The following SPON1 variants were observed in gnomAD, a reference collection of about 807,000 sequenced individuals.
SPON1 encodes spondin 1.
A neutral mutation model predicts 111.7 loss-of-function variants in SPON1; 52 were observed. That is an observed-to-expected ratio of 0.47 (90% CI 0.37 to 0.59). The LOEUF is 0.59. SPON1 is among the 20% of genes least tolerant of loss of function. The pLI is 0.00. For missense variants in SPON1, 957 were observed against 1,068.5 expected, an observed-to-expected ratio of 0.90 and a Z score of 1.46; for synonymous variants, 410 against 395.8, an observed-to-expected ratio of 1.04 and a Z score of -0.43.
At chr11:14,209,147 GT>G (rs1297580891) in intron 6 of SPON1, among the ~76,000 whole-genome samples, 1 of 152,128 alleles carries the variant, frequency 6.6e-6, no homozygotes, top group Non-Finnish European at 1.5e-5. Flanking sequence ...TAGTTGCATA[GT>G]TGCACCATTG....
chr11:13,974,331 C>T (rs781878993), intron 1 of SPON1, among the ~76,000 whole-genome samples: 1 of 152,072 alleles, frequency 6.6e-6, no homozygotes, highest in Non-Finnish European at 1.5e-5. Context: ...CAGGGGCTGG[C>T]CATAGGATGG....
intron 14 of SPON1, 53 bp from the exon 15 acceptor site, chr11:14,262,659 C>T: frequency 6.4e-7 from 1 of 1,559,776 alleles, no homozygotes. Flanking sequence ...GAGAGCGTGA[C>T]CATATCTTGT....
At chr11:14,132,077 GA>G (rs1371269123) in intron 5 of SPON1, among the ~76,000 whole-genome samples, 9 of 152,172 alleles carry the variant, frequency 5.9e-5, no homozygotes, top group African/African-American at 1.9e-4. Flanking sequence ...AGGAGTTTGA[GA>G]CCAGCCTGGC....
intron 6 of SPON1, among the ~76,000 whole-genome samples, chr11:14,176,972 G>A (rs1358229955): frequency 6.6e-6 from 1 of 152,162 alleles, no homozygotes; most frequent in Non-Finnish European, 1.5e-5. Context: ...CTGCTGCACA[G>A]GAGACTGGAG....
At chr11:14,079,759 T>A (rs1166687449) in intron 4 of SPON1, 140 bp from the exon 5 acceptor site, 1 of 814,944 alleles carries the variant, frequency 1.2e-6, no homozygotes, top group Non-Finnish European at 1.9e-6. Context: ...CAAGTACTGA[T>A]CTGGCTCTAA....
intron 6 of SPON1, among the ~76,000 whole-genome samples, chr11:14,213,026 T>G (rs543604323): frequency 6.6e-6 from 1 of 152,318 alleles, no homozygotes; most frequent in East Asian, 1.9e-4. Flanking sequence ...GGAGAGACTC[T>G]TTTAAGGGCT....
At chr11:14,044,983 G>A (rs1258272586) in intron 3 of SPON1, among the ~76,000 whole-genome samples, 1 of 152,166 alleles carries the variant, frequency 6.6e-6, no homozygotes. Flanking sequence ...GACAAATAAT[G>A]TTATGATGAA....
intron 2 of SPON1, among the ~76,000 whole-genome samples, chr11:14,033,738 A>G (rs1848575054): frequency 6.6e-6 from 1 of 152,248 alleles, no homozygotes; most frequent in African/African-American, 2.4e-5. Flanking sequence ...ATTCATGACC[A>G]GATACCCAAC....
chr11:14,242,102 T>C (rs1848934385), intron 6 of SPON1, among the ~76,000 whole-genome samples: 1 of 152,110 alleles, frequency 6.6e-6, no homozygotes, highest in South Asian at 2.1e-4. Flanking sequence ...CCTTCCTGCA[T>C]GGTAAATGGG....
intron 5 of SPON1, among the ~76,000 whole-genome samples, chr11:14,103,556 C>A (rs1849161982): frequency 6.6e-6 from 1 of 152,214 alleles, no homozygotes; most frequent in African/African-American, 2.4e-5. Context: ...GAGGATTCAT[C>A]ACTCCATCTA....
chr11:14,256,551 C>A (rs1485222344), intron 9 of SPON1, 66 bp from the exon 10 acceptor site: 36 of 1,142,332 alleles, frequency 3.2e-5, no homozygotes, highest in Non-Finnish European at 4.3e-5. Flanking sequence ...AGTCCTCTTT[C>A]ACCTTCCCCC....
chr11:14,066,377 G>A (rs1421129169), intron 3 of SPON1, among the ~76,000 whole-genome samples: 3 of 151,968 alleles, frequency 2.0e-5, no homozygotes, highest in East Asian at 3.9e-4. Context: ...ACCATTAAGG[G>A]TCAAAAGACG....
chr11:14,015,017 CTT>C (rs1381786056), intron 2 of SPON1, among the ~76,000 whole-genome samples: 1 of 152,092 alleles, frequency 6.6e-6, no homozygotes, highest in African/African-American at 2.4e-5. Context: ...TGGAGAAAAT[CTT>C]AACAGAATTG....
chr11:14,154,023 C>T (rs1443938403), intron 6 of SPON1, among the ~76,000 whole-genome samples: 1 of 152,198 alleles, frequency 6.6e-6, no homozygotes, highest in Non-Finnish European at 1.5e-5. Flanking sequence ...GCTCTCAAGG[C>T]CTTGGGCAGC....
At chr11:14,087,463 G>A (rs782770539) in intron 5 of SPON1, among the ~76,000 whole-genome samples, 6 of 152,204 alleles carry the variant, frequency 3.9e-5, no homozygotes, top group Non-Finnish European at 7.3e-5. Context: ...TTTTGAGTGA[G>A]TTTCTTAATC....
At chr11:14,248,113 T>G (rs1480437958) in intron 7 of SPON1, among the ~76,000 whole-genome samples, 1 of 152,004 alleles carries the variant, frequency 6.6e-6, no homozygotes, top group African/African-American at 2.4e-5. Context: ...TGGTTGGCTG[T>G]GCCCAGTGCA....
intron 5 of SPON1, among the ~76,000 whole-genome samples, chr11:14,119,942 ACT>A (rs1849293097): frequency 2.6e-5 from 4 of 152,196 alleles, no homozygotes; most frequent in Admixed American, 2.0e-4. Context: ...CCTCAGTCAC[ACT>A]GGCCACATTT....
chr11:14,068,712 C>T (rs1273215960), intron 3 of SPON1, among the ~76,000 whole-genome samples: 4 of 152,192 alleles, frequency 2.6e-5, no homozygotes, highest in African/African-American at 9.7e-5. Flanking sequence ...CTCATTTCTA[C>T]CAACACTTTC....
intron 6 of SPON1, among the ~76,000 whole-genome samples, chr11:14,150,147 G>T (rs1051240741): frequency 6.6e-6 from 1 of 152,074 alleles, no homozygotes; most frequent in East Asian, 1.9e-4. Flanking sequence ...CCATAAAAAA[G>T]AATGAAATGC....
Sources: gnomAD v4.1 joint callset for allele counts (sites outside exome capture counted in the v4.1 genomes callset) on GRCh38, gnomAD v4.1.1 for gene constraint, MANE v1.5 for transcripts, NCBI Gene and HGNC (gene_info 2026-07-23, HGNC 2026-07-21) for gene names.